Variants in TSPEAR observed in about 807,000 individuals in gnomAD.
The protein encoded by TSPEAR is thrombospondin type laminin G domain and EAR repeats, also known as thrombospondin-type laminin G domain and EAR repeat-containing protein.
In TSPEAR, 69 loss-of-function variants were observed where a neutral mutation model predicts 71.6. The ratio of observed to expected loss-of-function variants is 0.96; its 90% CI spans 0.79 to 1.18. TSPEAR has a LOEUF of 1.18. Among genes scored for constraint, TSPEAR ranks in the 50% most tolerant of loss-of-function variants. The probability of loss-of-function intolerance (pLI) is 0.00; values close to 1 mark genes in which losing one functional copy is unlikely to be tolerated. For missense variants in TSPEAR, 971 were observed against 894.9 expected, an observed-to-expected ratio of 1.09 and a Z score of -1.09; for synonymous variants, 402 against 387.2, an observed-to-expected ratio of 1.04 and a Z score of -0.45.
At chr21:44,673,592 T>A (rs587610845) in intron 1 of TSPEAR, among the ~76,000 whole-genome samples, 3 of 152,322 alleles carry the variant, frequency 2.0e-5, no homozygotes, top group Admixed American at 1.3e-4. Context: ...GGATTTATAC[T>A]GAACTTTAAA....
At position 44,593,288 on chromosome 21, in the gene TSPEAR, G is replaced by A. The variant is rs961973534; in HGVS notation, c.83-25283C>T. On this transcript the variant is annotated intron_variant, in intron 1 of 11. Coordinates refer to ENST00000323084, the MANE Select transcript of TSPEAR (RefSeq NM_144991.3). The surrounding 1 kb of genome is among the most constrained non-coding windows in gnomAD (Gnocchi z 5.9). Reference sequence around the variant, plus strand: ...GCTCCTCTGTGTGCTCTGCTTCTCCGAGGCTGCCCGTCAGCCCCCACCCAG... The same window carrying A: ...GCTCCTCTGTGTGCTCTGCTTCTCCAAGGCTGCCCGTCAGCCCCCACCCAG... Among the ~76,000 whole-genome samples, 44 of 152,224 alleles carry A rather than the reference G, an allele frequency of 2.9e-4. No homozygotes were observed. The highest frequency in any genetic ancestry group is 8.9e-4 in the African/African-American group (37 of 41,528).
intron 5 of TSPEAR, among the ~76,000 whole-genome samples, chr21:44,529,389 G>T (rs944464705): frequency 1.3e-5 from 2 of 152,216 alleles, no homozygotes; most frequent in African/African-American, 4.8e-5. Flanking sequence ...ACTGGGGCGG[G>T]CTGGTCTGGA....
At chr21:44,669,384 C>A (rs1323740346) in intron 1 of TSPEAR, among the ~76,000 whole-genome samples, 1 of 152,144 alleles carries the variant, frequency 6.6e-6, no homozygotes, top group Non-Finnish European at 1.5e-5. Context: ...GATTGCACCA[C>A]TGCACTCCAG....
chr21:44,531,176 T>C, intron 3 of TSPEAR, 43 bp from the exon 4 acceptor site: 2 of 1,518,778 alleles, frequency 1.3e-6, no homozygotes, highest in South Asian at 1.1e-5. Flanking sequence ...AGGAGAGTGG[T>C]CACCCCAGTT....
intron 3 of TSPEAR, among the ~76,000 whole-genome samples, chr21:44,532,475 C>T (rs2052993094): frequency 6.6e-6 from 1 of 152,186 alleles, no homozygotes; most frequent in African/African-American, 2.4e-5. Flanking sequence ...GACCTGAGAA[C>T]TCATCACCGT....
At chr21:44,704,724 A>G (rs1987827768) in intron 1 of TSPEAR, among the ~76,000 whole-genome samples, 1 of 152,190 alleles carries the variant, frequency 6.6e-6, no homozygotes, top group Non-Finnish European at 1.5e-5. Flanking sequence ...TCGGTGGGTG[A>G]CAGTGGCAGG....
chr21:44,558,088 A>G, intron 2 of TSPEAR: 1 of 1,612,540 alleles, frequency 6.2e-7, no homozygotes, highest in Non-Finnish European at 8.5e-7. Context: ...AGGCCGCAGC[A>G]CGCGGAAGAG....
intron 1 of TSPEAR, among the ~76,000 whole-genome samples, chr21:44,682,490 C>A (rs782620849): frequency 2.6e-5 from 4 of 152,216 alleles, no homozygotes; most frequent in Non-Finnish European, 5.9e-5. Flanking sequence ...GCTCCTCGAA[C>A]CGCAACTTCT....
In TSPEAR at chr21:44,525,828, T is replaced by C. The variant is rs781877626; in HGVS notation, c.1161A>G (p.Ala387=). The C allele has an allele frequency of 8.7e-6, 14 of 1,613,978 alleles. No homozygotes were observed. The highest frequency in any genetic ancestry group is 4.0e-5 in the African/African-American group (3 of 74,918). Residue 387 remains alanine, a synonymous_variant, in exon 8 of 12, where the codon GCA becomes GCG. Transcript: ENST00000323084. The stretch of plus-strand genomic sequence containing the variant: ...TCTCATCTGGTTCAAAATTAGCCAC[T>C]GCCAGGAAGATCTGAAAGAGAGTAA... ...HFTIGKKIFL[A]VANFEPDEKG...
intron 1 of TSPEAR, among the ~76,000 whole-genome samples, chr21:44,586,615 C>A (rs587756615): frequency 1.3e-5 from 2 of 152,168 alleles, no homozygotes; most frequent in Admixed American, 1.3e-4. Flanking sequence ...CAATCAGCAC[C>A]ACTCCCCATG....
At chr21:44,522,946 A>G (rs1555914460) in intron 8 of TSPEAR, among the ~76,000 whole-genome samples, 1 of 152,230 alleles carries the variant, frequency 6.6e-6, no homozygotes, top group Non-Finnish European at 1.5e-5. Context: ...TTAGTCTGTC[A>G]GTCAGTCATT....
rs1246736407 is a variant in TSPEAR, at chr21:44,695,431, G to C, written c.82+16002C>G. Among the ~76,000 whole-genome samples the C allele has an allele frequency of 6.6e-6, 1 of 152,084 alleles. No individual in the cohort carries two copies. Among genetic ancestry groups the C allele is most frequent in the Non-Finnish European group, 1.5e-5 (1 of 68,006 alleles). ...GGAAATGAATGCACGACTCAGGCCA[G>C]AGGCATCAGCTGGTCCTCCCTCCCT... On this transcript the variant is annotated intron_variant, in intron 1 of 11. Coordinates refer to ENST00000323084, the MANE Select transcript of TSPEAR (RefSeq NM_144991.3). The surrounding 1 kb of genome is among the most constrained non-coding windows in gnomAD (Gnocchi z 4.5).
intron 2 of TSPEAR, among the ~76,000 whole-genome samples, chr21:44,536,877 T>G (rs927950890): frequency 6.6e-5 from 10 of 152,176 alleles, no homozygotes; most frequent in Non-Finnish European, 1.2e-4. Flanking sequence ...AGACAATATA[T>G]ATGTAAAAAA....
intron 1 of TSPEAR, among the ~76,000 whole-genome samples, chr21:44,571,370 C>T (rs2146078874): frequency 6.6e-6 from 1 of 152,318 alleles, no homozygotes; most frequent in Admixed American, 6.5e-5. Context: ...CATTTCAGAC[C>T]AGATAACACT....
intron 1 of TSPEAR, among the ~76,000 whole-genome samples, chr21:44,700,628 G>T (rs551205021): frequency 6.6e-6 from 1 of 152,214 alleles, no homozygotes; most frequent in African/African-American, 2.4e-5. Context: ...GGAACTTCAC[G>T]GTTAAAGAAC....
At chr21:44,646,688 C>G in intron 1 of TSPEAR, 1 of 1,614,160 alleles carries the variant, frequency 6.2e-7, no homozygotes, top group Non-Finnish European at 8.5e-7. Context: ...TCCTGCACGC[C>G]GTCATGCTGC....
rs587731253 is a variant in TSPEAR, at chr21:44,558,369, T to A, written c.303+9416A>T. ...GCAGATGGGCTTGCAGCAGACAGGCTTGCAGCAGACGGGCACACAGCAGAC... is the reference window on the plus strand; with the variant it reads ...GCAGATGGGCTTGCAGCAGACAGGCATGCAGCAGACGGGCACACAGCAGAC... On this transcript the variant is annotated intron_variant, in intron 2 of 11. Coordinates refer to ENST00000323084, the MANE Select transcript of TSPEAR (RefSeq NM_144991.3). 6 of 1,612,436 alleles carry A rather than the reference T, an allele frequency of 3.7e-6. No homozygotes were observed. Among genetic ancestry groups the A allele is most frequent in the African/African-American group, 1.3e-5 (1 of 74,676 alleles).
chr21:44,579,741 A>T, intron 1 of TSPEAR: 1 of 1,598,896 alleles, frequency 6.3e-7, no homozygotes, highest in African/African-American at 1.3e-5. Flanking sequence ...CAGCAACTGG[A>T]CTCCTGGCCT....
At chr21:44,705,803 G>T (rs942083799) in intron 1 of TSPEAR, among the ~76,000 whole-genome samples, 1 of 152,106 alleles carries the variant, frequency 6.6e-6, no homozygotes, top group Non-Finnish European at 1.5e-5. Flanking sequence ...CTGTGATCTC[G>T]CCCTGCCTCC....
Sources: allele counts gnomAD v4.1 joint callset (sites outside exome capture counted in the v4.1 genomes callset), GRCh38; gene constraint gnomAD v4.1.1; non-coding constraint Gnocchi (gnomAD v3.1); transcripts MANE v1.5; gene names NCBI Gene and HGNC (gene_info 2026-07-23, HGNC 2026-07-21).